The following ABCB1 variants were observed in gnomAD, a reference collection of about 807,000 sequenced individuals.
ABCB1 encodes ATP-dependent translocase ABCB1.
ABCB1 carries 69 observed loss-of-function variants against 142.0 expected under a neutral mutation model. That is an observed-to-expected ratio of 0.49 (90% CI 0.40 to 0.59). The LOEUF is 0.59. ABCB1 is among the 20% of genes least tolerant of loss of function. The probability of loss-of-function intolerance (pLI) is 0.00; values close to 1 mark genes in which losing one functional copy is unlikely to be tolerated. For missense variants in ABCB1, 1,326 were observed against 1,554.7 expected (o/e 0.85, Z 2.47); for synonymous variants, 532 against 539.2 (o/e 0.99, Z 0.18).
intron 21 of ABCB1, among the ~76,000 whole-genome samples, chr7:87,525,755 G>C (rs1344049460): frequency 1.3e-5 from 2 of 152,104 alleles, no homozygotes; most frequent in Non-Finnish European, 2.9e-5. Context: ...TGGCAGAGGG[G>C]AAGAGGCAGA....
At chr7:87,671,773 C>T (rs1324650728) in intron 1 of ABCB1, among the ~76,000 whole-genome samples, 1 of 152,200 alleles carries the variant, frequency 6.6e-6, no homozygotes, top group Non-Finnish European at 1.5e-5. Context: ...TGGAGGTCCA[C>T]TTCAGCCCCC....
At chr7:87,512,322 C>A (rs1396885003) in intron 25 of ABCB1, among the ~76,000 whole-genome samples, 1 of 152,088 alleles carries the variant, frequency 6.6e-6, no homozygotes, top group African/African-American at 2.4e-5. Flanking sequence ...TAACCTAAAT[C>A]TTTCTTCAAA....
At chr7:87,625,450 A>G (rs1820378100) in intron 1 of ABCB1, among the ~76,000 whole-genome samples, 1 of 152,164 alleles carries the variant, frequency 6.6e-6, no homozygotes, top group South Asian at 2.1e-4. Flanking sequence ...TTCTTGATAA[A>G]TGCTTCAGAG....
At chr7:87,627,768 G>C (rs1820754836) in intron 1 of ABCB1, 1 of 152,306 alleles carries the variant, frequency 6.6e-6, no homozygotes, top group African/African-American at 2.4e-5. Context: ...CGGAGTCACG[G>C]CCCAGGACGC....
At chr7:87,631,219 T>C (rs1456883749) in intron 1 of ABCB1, among the ~76,000 whole-genome samples, 1 of 152,184 alleles carries the variant, frequency 6.6e-6, no homozygotes, top group Non-Finnish European at 1.5e-5. Context: ...CTGAATGACT[T>C]TTACTTTTTG....
At chr7:87,557,641 TC>T (rs149385041) in intron 8 of ABCB1, among the ~76,000 whole-genome samples, 15 of 152,366 alleles carry the variant, frequency 9.8e-5, no homozygotes, top group Non-Finnish European at 1.8e-4. Context: ...TAAAATTTGA[TC>T]ATTTTTGCTA....
chr7:87,601,469 A>C (rs1305063535), upstream of ABCB1, among the ~76,000 whole-genome samples: 1 of 152,250 alleles, frequency 6.6e-6, no homozygotes, highest in Non-Finnish European at 1.5e-5. Context: ...AAAGTGTGTA[A>C]TATTTTAAAA....
chr7:87,629,585 A>C (rs1415146656), intron 1 of ABCB1, among the ~76,000 whole-genome samples: 1 of 152,130 alleles, frequency 6.6e-6, no homozygotes, highest in Non-Finnish European at 1.5e-5. Flanking sequence ...ATGCTTTATA[A>C]CTGTAAATGT....
chr7:87,637,746 T>C (rs967241868), intron 1 of ABCB1, among the ~76,000 whole-genome samples: 18 of 152,124 alleles, frequency 1.2e-4, no homozygotes, highest in African/African-American at 3.9e-4. Context: ...ATTTGACCTT[T>C]TAAAATACTG....
intron 8 of ABCB1, among the ~76,000 whole-genome samples, chr7:87,560,191 C>A (rs1228790215): frequency 6.6e-6 from 1 of 152,148 alleles, no homozygotes; most frequent in East Asian, 1.9e-4. Context: ...CAGGACTCCT[C>A]ATTTTATTAG....
chr7:87,654,717 TAAAC>T (rs1823912010), intron 1 of ABCB1, among the ~76,000 whole-genome samples: 1 of 151,844 alleles, frequency 6.6e-6, no homozygotes, highest in South Asian at 2.1e-4. Context: ...TAAAGGAAAA[TAAAC>T]AAGTGGAATT....
chr7:87,627,485 T>C (rs1820735675), intron 1 of ABCB1: 1 of 152,204 alleles, frequency 6.6e-6, no homozygotes, highest in Non-Finnish European at 1.5e-5. Flanking sequence ...CTAGGTCCCA[T>C]AGGGAGAGTA....
chr7:87,530,123 A>T (rs1815968957), intron 21 of ABCB1, among the ~76,000 whole-genome samples: 2 of 152,206 alleles, frequency 1.3e-5, no homozygotes, highest in Non-Finnish European at 2.9e-5. Context: ...CTTCTTCATC[A>T]TTCACTTGGT....
At chr7:87,600,947 G>C (rs1343108906), upstream of ABCB1, 1 of 152,322 alleles carries the variant, frequency 6.6e-6, no homozygotes, top group Non-Finnish European at 1.5e-5. Context: ...CCCCGGCGCT[G>C]TTCCTGCCCA....
intron 1 of ABCB1, among the ~76,000 whole-genome samples, chr7:87,676,977 C>T (rs1826432362): frequency 6.6e-6 from 1 of 151,902 alleles, no homozygotes; most frequent in African/African-American, 2.4e-5. Flanking sequence ...CAAAAGATAA[C>T]AAGTGTTGGC....
At chr7:87,511,409 T>C (rs141446258) in intron 25 of ABCB1, among the ~76,000 whole-genome samples, 57 of 152,386 alleles carry the variant, frequency 3.7e-4, no homozygotes, top group African/African-American at 1.3e-3. Flanking sequence ...ATCTCTATTG[T>C]AGACTGTTAA....
At chr7:87,656,802 A>T (rs1824149522) in intron 1 of ABCB1, among the ~76,000 whole-genome samples, 1 of 152,200 alleles carries the variant, frequency 6.6e-6, no homozygotes, top group Non-Finnish European at 1.5e-5. Flanking sequence ...ATCCATCACT[A>T]AGCTACTTAA....
chr7:87,531,169 G>C, intron 21 of ABCB1, 125 bp downstream of exon 21: 1 of 863,862 alleles, frequency 1.2e-6, no homozygotes, highest in Non-Finnish European at 1.9e-6. Context: ...GCATGAAAAA[G>C]ATTGCTTTGA....
At position 87,678,140 on chromosome 7, in the gene ABCB1, T is replaced by C. The variant is rs549180542; in HGVS notation, c.-331+35021A>G. On this transcript the variant is annotated intron_variant, in intron 1 of 28. Transcript: ENST00000265724. ...CAGAAACTGTGAATATCTAAATAAA[T>C]ACAGCAGAGTTTTTCTCCTCTATTA... Among the ~76,000 whole-genome samples, 5 of 152,290 alleles carry C rather than the reference T, an allele frequency of 3.3e-5. No homozygotes were observed. In the East Asian group the frequency reaches 7.7e-4, roughly 24 times the overall value.
Sources: allele counts gnomAD v4.1 joint callset (sites outside exome capture counted in the v4.1 genomes callset), GRCh38; gene constraint gnomAD v4.1.1; transcripts MANE v1.5; gene names NCBI Gene and HGNC (gene_info 2026-07-23, HGNC 2026-07-21).